PRKAG2: variants seen among roughly 807,000 people sequenced by gnomAD.
The protein encoded by PRKAG2 is protein kinase AMP-activated non-catalytic subunit gamma 2, also known as 5'-AMP-activated protein kinase subunit gamma-2.
Under a neutral mutation model 69.6 loss-of-function variants are expected in PRKAG2, and 26 were observed. That is an observed-to-expected ratio of 0.37 (90% confidence interval 0.27 to 0.52). The LOEUF (loss-of-function observed/expected upper bound fraction) is 0.52. Ranked by LOEUF, PRKAG2 falls within the 20% of genes least tolerant of loss-of-function variation. PRKAG2 has a pLI of 0.90. For synonymous variants in PRKAG2, 293 were observed against 285.0 expected, an observed-to-expected ratio of 1.03 and a Z score of -0.28; for missense variants, 557 against 740.0, an observed-to-expected ratio of 0.75 and a Z score of 2.87.
At chr7:151,706,866 C>A (rs1838719730) in intron 3 of PRKAG2, among the ~76,000 whole-genome samples, 1 of 152,236 alleles carries the variant, frequency 6.6e-6, no homozygotes, top group East Asian at 1.9e-4. Context: ...ATTGGAGCCA[C>A]CTGGCCTGGC....
chr7:151,795,236 C>G lies in PRKAG2; in HGVS notation c.115-8695G>C, dbSNP rs554525707. On this transcript the variant is annotated intron_variant, in intron 1 of 15. Transcript: ENST00000287878. ...AGGCTACAGGAGTCTGGGTCAGCTC[C>G]CAGTTCATGAGGAAGGAGGCAAGTA... Among the ~76,000 whole-genome samples the G allele has an allele frequency of 1.0e-3, 152 of 152,162 alleles. No homozygotes were observed. In the Middle Eastern group the frequency reaches 0.01, roughly 10 times the overall value.
At chr7:151,774,950 T>C (rs1257865740) in intron 3 of PRKAG2, among the ~76,000 whole-genome samples, 1 of 152,156 alleles carries the variant, frequency 6.6e-6, no homozygotes, top group African/African-American at 2.4e-5. Flanking sequence ...GAGATGCAAA[T>C]AGAACATGAG....
chr7:151,719,679 C>G lies in PRKAG2; in HGVS notation c.467-44042G>C, dbSNP rs2151635317. 6.6e-6 allele frequency among the ~76,000 whole-genome samples: 1 copy of G among 152,284 alleles called. No individual in the cohort carries two copies. Among genetic ancestry groups the G allele is most frequent in the East Asian group, 1.9e-4 (1 of 5,172 alleles). On this transcript the variant is annotated intron_variant, in intron 3 of 15. Coordinates refer to ENST00000287878, the MANE Select transcript of PRKAG2 (RefSeq NM_016203.4). This position sits in a 1 kb window ranked among gnomAD's most constrained non-coding sequence, Gnocchi z 5.2. Reference sequence around the variant, plus strand: ...AGGGACCTGCATTCCTGCCTGGGTCCCGCCCACAGCACCACTGTCTTGCGA... The same window carrying G: ...AGGGACCTGCATTCCTGCCTGGGTCGCGCCCACAGCACCACTGTCTTGCGA...
intron 1 of PRKAG2, among the ~76,000 whole-genome samples, chr7:151,866,455 A>G (rs1272359033): frequency 1.3e-5 from 2 of 152,260 alleles, no homozygotes; most frequent in Non-Finnish European, 2.9e-5. Context: ...GAGACGGCTC[A>G]TATAAAAGCA....
intron 3 of PRKAG2, among the ~76,000 whole-genome samples, chr7:151,731,133 C>A (rs1798861089): frequency 6.6e-6 from 1 of 152,236 alleles, no homozygotes; most frequent in African/African-American, 2.4e-5. Context: ...TAGCATAATC[C>A]TTTCCTAATC....
Position 151,688,042 on chromosome 7 carries a change from G to C in PRKAG2, c.467-12405C>G, listed in dbSNP as rs551547388. On this transcript the variant is annotated intron_variant, in intron 3 of 15. Coordinates refer to ENST00000287878, the MANE Select transcript of PRKAG2 (RefSeq NM_016203.4). Reference sequence around the variant, plus strand: ...AGGAGGAGGAGGAGGAGGAAATGAGGCCCCCCCCCGGGCTCCTTGCTGAGT... The same window carrying C: ...AGGAGGAGGAGGAGGAGGAAATGAGCCCCCCCCCCGGGCTCCTTGCTGAGT... 6.9e-3 allele frequency among the ~76,000 whole-genome samples: 743 copies of C among 107,068 alleles called. 51 individuals carry two copies. The highest frequency in any genetic ancestry group is 0.04 in the Middle Eastern group (7 of 176). 70.2% of individuals were successfully genotyped at this position (107,068 alleles called of 152,430 possible). A position where few individuals can be genotyped will look rare whatever the true frequency, so the allele number is the denominator to read the frequency against.
chr7:151,777,322 A>G lies in PRKAG2; in HGVS notation c.466+3830T>C, dbSNP rs2076420249. On this transcript the variant is annotated intron_variant, in intron 3 of 15. Coordinates refer to ENST00000287878, the MANE Select transcript of PRKAG2 (RefSeq NM_016203.4). The surrounding 1 kb of genome is among the most constrained non-coding windows in gnomAD (Gnocchi z 4.3). The stretch of plus-strand genomic sequence containing the variant: ...CCCGCTGAGATCCAGAGGGGCTGGG[A>G]GTCTTGGATCCACCTCTGATAGAGG... Among the ~76,000 whole-genome samples, 1 of 152,128 alleles carries G rather than the reference A, an allele frequency of 6.6e-6. No homozygotes were observed. Among genetic ancestry groups the G allele is most frequent in the African/African-American group, 2.4e-5 (1 of 41,418 alleles).
At chr7:151,848,332 G>A (rs2079484636) in intron 1 of PRKAG2, among the ~76,000 whole-genome samples, 1 of 152,070 alleles carries the variant, frequency 6.6e-6, no homozygotes, top group South Asian at 2.1e-4. Context: ...GTCACAGTGT[G>A]CAAGGTGCCA....
chr7:151,708,467 C>A (rs1468564059), intron 3 of PRKAG2, among the ~76,000 whole-genome samples: 1 of 152,176 alleles, frequency 6.6e-6, no homozygotes, highest in Non-Finnish European at 1.5e-5. Context: ...ATCTTCTATG[C>A]AGCGTAAAGA....
At chr7:151,749,077 G>A (rs2074493777) in intron 3 of PRKAG2, among the ~76,000 whole-genome samples, 1 of 146,218 alleles carries the variant, frequency 6.8e-6, no homozygotes, top group Non-Finnish European at 1.5e-5. Context: ...CTCCAGAGAG[G>A]AGATGCTCAA....
In PRKAG2 at chr7:151,850,901, G is replaced by A. The variant is rs188025627; in HGVS notation, c.114+25606C>T. Among the ~76,000 whole-genome samples the A allele has an allele frequency of 8.5e-5, 13 of 152,292 alleles. No individual in the cohort carries two copies. The highest frequency in any genetic ancestry group is 2.2e-4 in the African/African-American group (9 of 41,564). ...TGACAACACGGAATAAGAAGTCCTC[G>A]ATGAGCCGCCGCAATGTGACCTTAG... On this transcript the variant is annotated intron_variant, in intron 1 of 15. Transcript: ENST00000287878. The surrounding 1 kb of genome is among the most constrained non-coding windows in gnomAD (Gnocchi z 4.1).
At chr7:151,749,200 T>G (rs983570204) in intron 3 of PRKAG2, among the ~76,000 whole-genome samples, 1 of 152,190 alleles carries the variant, frequency 6.6e-6, no homozygotes, top group Non-Finnish European at 1.5e-5. Flanking sequence ...ATTTGCCATC[T>G]TTTCTCTCTC....
chr7:151,635,788 C>T (rs1011751147), intron 4 of PRKAG2, among the ~76,000 whole-genome samples: 2 of 152,134 alleles, frequency 1.3e-5, no homozygotes, highest in Non-Finnish European at 2.9e-5. Flanking sequence ...TGTCAATATC[C>T]TGCTTGTGAT....
In PRKAG2 at chr7:151,781,876, G is replaced by A. The variant is rs183224262; in HGVS notation, c.187-445C>T. On this transcript the variant is annotated intron_variant, in intron 2 of 15. Transcript: ENST00000287878. This position sits in a 1 kb window ranked among gnomAD's most constrained non-coding sequence, Gnocchi z 6.1. The stretch of plus-strand genomic sequence containing the variant: ...TGTTCCAGAACAGAGCGGGCCTGGA[G>A]CTCCATCCTGAGACCTCAGTCCTAG... Among the ~76,000 whole-genome samples, 140 of 152,290 alleles carry A rather than the reference G, an allele frequency of 9.2e-4. No individual in the cohort carries two copies. Among genetic ancestry groups the A allele is most frequent in the African/African-American group, 3.1e-3 (129 of 41,556 alleles).
intron 3 of PRKAG2, among the ~76,000 whole-genome samples, chr7:151,706,856 A>G (rs761913666): frequency 1.3e-4 from 20 of 152,158 alleles, no homozygotes; most frequent in Admixed American, 2.0e-4. Context: ...TCTCAGCCCA[A>G]TTGGAGCCAC....
chr7:151,689,619 C>T (rs887204391), intron 3 of PRKAG2, among the ~76,000 whole-genome samples: 4 of 152,162 alleles, frequency 2.6e-5, no homozygotes, highest in Non-Finnish European at 5.9e-5. Flanking sequence ...TTTCCCCTTC[C>T]CGCCAGGTCT....
At chr7:151,589,405 C>T (rs1812498519) in intron 6 of PRKAG2, among the ~76,000 whole-genome samples, 2 of 152,042 alleles carry the variant, frequency 1.3e-5, no homozygotes, top group South Asian at 4.2e-4. Context: ...GAGCCTCATC[C>T]CCCCGTTTTG....
chr7:151,591,434 C>T (rs1479494898), intron 6 of PRKAG2, among the ~76,000 whole-genome samples: 1 of 152,214 alleles, frequency 6.6e-6, no homozygotes, highest in Non-Finnish European at 1.5e-5. Context: ...AGTAGCAGAG[C>T]TCTAGGTGCC....
chr7:151,597,035 C>A (rs1814715216), intron 5 of PRKAG2, among the ~76,000 whole-genome samples: 1 of 152,144 alleles, frequency 6.6e-6, no homozygotes, highest in South Asian at 2.1e-4. Context: ...AAATGTACTA[C>A]AAAGCTATAA....
Sources: gnomAD v4.1 joint callset for allele counts (sites outside exome capture counted in the v4.1 genomes callset) on GRCh38, gnomAD v4.1.1 for gene constraint, Gnocchi (gnomAD v3.1) non-coding constraint, MANE v1.5 for transcripts, NCBI Gene and HGNC (gene_info 2026-07-23, HGNC 2026-07-21) for gene names.